Variants in NUDCD3 observed in about 807,000 individuals in gnomAD.
NUDCD3 encodes the protein nudC domain-containing protein 3.
A neutral mutation model predicts 39.7 loss-of-function variants in NUDCD3; 13 were observed. The ratio of observed to expected loss-of-function variants is 0.33; its 90% CI spans 0.21 to 0.52. The LOEUF is 0.52. NUDCD3 is among the 20% of genes least tolerant of loss of function. NUDCD3 has a pLI of 0.96. For synonymous variants in NUDCD3, 175 were observed against 172.4 expected (o/e 1.02, Z -0.12); for missense variants, 453 against 458.1 (o/e 0.99, Z 0.10).
intron 2 of NUDCD3, among the ~76,000 whole-genome samples, chr7:44,453,048 T>C (rs1037427459): frequency 7.9e-5 from 12 of 152,052 alleles, no homozygotes; most frequent in African/African-American, 2.7e-4. Context: ...TGGGAAGAAG[T>C]GACTTTAAAA....
intron 5 of NUDCD3, among the ~76,000 whole-genome samples, chr7:44,387,749 AGG>A (rs528442064): frequency 7.4e-4 from 113 of 152,240 alleles, no homozygotes; most frequent in African/African-American, 2.6e-3. Context: ...CTTACAACAG[AGG>A]GATCCTAGGG....
chr7:44,478,850 G>A (rs1240653111), intron 2 of NUDCD3, among the ~76,000 whole-genome samples: 1 of 152,172 alleles, frequency 6.6e-6, no homozygotes, highest in Non-Finnish European at 1.5e-5. Flanking sequence ...CCAGGATCTG[G>A]GAGTCTGGCA....
chr7:44,453,122 G>C (rs958143463), intron 2 of NUDCD3, among the ~76,000 whole-genome samples: 7 of 151,068 alleles, frequency 4.6e-5, no homozygotes, highest in African/African-American at 9.9e-5. Context: ...GGAAGCTGAG[G>C]GGGGCGGATC....
At chr7:44,432,625 G>A (rs1288530930) in intron 2 of NUDCD3, among the ~76,000 whole-genome samples, 1 of 152,174 alleles carries the variant, frequency 6.6e-6, no homozygotes, top group Non-Finnish European at 1.5e-5. Flanking sequence ...GGCCCGGTTT[G>A]TCAACCCCCT....
intron 2 of NUDCD3, among the ~76,000 whole-genome samples, chr7:44,433,269 T>C (rs1799399992): frequency 6.6e-6 from 1 of 152,152 alleles, no homozygotes; most frequent in Non-Finnish European, 1.5e-5. Context: ...AACATGTGTG[T>C]GTGTGTGTAT....
At chr7:44,418,080 C>G (rs1307311939) in intron 3 of NUDCD3, among the ~76,000 whole-genome samples, 1 of 152,156 alleles carries the variant, frequency 6.6e-6, no homozygotes, top group Admixed American at 6.5e-5. Flanking sequence ...GACATGTCTA[C>G]CTATTTCAAG....
chr7:44,489,019 T>G (rs1189381517), intron 1 of NUDCD3, among the ~76,000 whole-genome samples: 4 of 152,192 alleles, frequency 2.6e-5, no homozygotes, highest in African/African-American at 9.7e-5. Flanking sequence ...ACAATCAATC[T>G]AGACAAAAGT....
intron 2 of NUDCD3, among the ~76,000 whole-genome samples, chr7:44,468,809 G>A (rs113496141): frequency 0.042 from 6,356 of 152,148 alleles, 165 homozygotes; most frequent in Non-Finnish European, 0.063. Flanking sequence ...AGAAGTGCTC[G>A]AAAAATGATG....
intron 2 of NUDCD3, among the ~76,000 whole-genome samples, chr7:44,453,533 T>A (rs1490082230): frequency 6.6e-6 from 1 of 152,164 alleles, no homozygotes; most frequent in African/African-American, 2.4e-5. Context: ...CCTGCTCCTA[T>A]AACTCTGTAC....
chr7:44,442,577 C>T (rs928312594), intron 2 of NUDCD3, among the ~76,000 whole-genome samples: 24 of 152,162 alleles, frequency 1.6e-4, no homozygotes, highest in Non-Finnish European at 2.9e-5. Context: ...AGGCTCACCT[C>T]GCCTCATTCA....
At chr7:44,419,773 C>A (rs1289991897) in intron 3 of NUDCD3, among the ~76,000 whole-genome samples, 2 of 151,892 alleles carry the variant, frequency 1.3e-5, no homozygotes, top group Non-Finnish European at 2.9e-5. Flanking sequence ...AGAAGAAAAA[C>A]TAACAAACAG....
intron 2 of NUDCD3, among the ~76,000 whole-genome samples, chr7:44,463,675 A>G (rs1800061017): frequency 6.6e-6 from 1 of 152,162 alleles, no homozygotes; most frequent in African/African-American, 2.4e-5. Context: ...CTTAAACATT[A>G]AAAACTGGAA....
rs201304178 is a variant in NUDCD3 at position 44,404,500 on chromosome 7, G to C, written c.726C>G (p.Leu242=). The C allele has an allele frequency of 6.2e-6, 10 of 1,611,504 alleles. No homozygotes were observed. Among genetic ancestry groups the C allele is most frequent in the Non-Finnish European group, 7.6e-6 (9 of 1,179,024 alleles). ...AACTCTCAGTGTTGATCTTGTGGGT[G>C]AGCTTCCCTTCCATGAGGACGCGCT... ...NGERVLMEGK[L]THKINTESSL... The change falls in exon 4 of 6, where the codon CTC becomes CTG. Residue 242 remains leucine (L), a synonymous_variant. Coordinates refer to ENST00000355451, the MANE Select transcript of NUDCD3 (RefSeq NM_015332.4).
At chr7:44,402,730 G>A (rs1420551809) in intron 4 of NUDCD3, 1 of 456,362 alleles carries the variant, frequency 2.2e-6, no homozygotes, top group Non-Finnish European at 4.4e-6. Context: ...GAAGGCAGGA[G>A]AGTCAAGGCC....
intron 2 of NUDCD3, among the ~76,000 whole-genome samples, chr7:44,433,303 C>G (rs942436129): frequency 6.6e-6 from 1 of 152,074 alleles, no homozygotes; most frequent in Admixed American, 6.6e-5. Context: ...GGCATGTGTG[C>G]AGTGCACTGT....
chr7:44,456,025 C>CAAAAAAAAAAAA (rs1233592095), intron 2 of NUDCD3, among the ~76,000 whole-genome samples: 118 of 28,392 alleles, frequency 4.2e-3, no homozygotes, highest in Middle Eastern at 0.038. Flanking sequence ...GACTCCGTCT[C>CAAAAAAAAAAAA]AAAAAAAAAA....
chr7:44,441,231 G>A (rs773516354), intron 2 of NUDCD3, among the ~76,000 whole-genome samples: 3 of 152,154 alleles, frequency 2.0e-5, no homozygotes, highest in African/African-American at 4.8e-5. Flanking sequence ...ATAACAAGAC[G>A]TGTTTTCACA....
intron 1 of NUDCD3, among the ~76,000 whole-genome samples, chr7:44,486,374 A>C (rs1585112646): frequency 6.6e-6 from 1 of 152,216 alleles, no homozygotes; most frequent in African/African-American, 2.4e-5. Flanking sequence ...AATACTGTGA[A>C]GAAGACAGCA....
At chr7:44,459,132 A>C (rs140592089) in intron 2 of NUDCD3, among the ~76,000 whole-genome samples, 51 of 151,914 alleles carry the variant, frequency 3.4e-4, no homozygotes, top group African/African-American at 1.1e-3. Context: ...TTAGTTTTGG[A>C]GTTTTAAAAA....
Sources: gnomAD v4.1 joint callset for allele counts (sites outside exome capture counted in the v4.1 genomes callset) on GRCh38, gnomAD v4.1.1 for gene constraint, MANE v1.5 for transcripts, NCBI Gene and HGNC (gene_info 2026-07-23, HGNC 2026-07-21) for gene names.